Variants in BPTF observed in about 807,000 individuals in gnomAD.
BPTF encodes the protein nucleosome-remodeling factor subunit BPTF.
In BPTF, 18 loss-of-function variants were observed where a neutral mutation model predicts 292.5. The observed-to-expected ratio is 0.06, with a 90% CI of 0.04 to 0.09. The LOEUF (loss-of-function observed/expected upper bound fraction) is 0.09, where lower values mean the gene tolerates loss of function less well. BPTF is among the 10% of genes least tolerant of loss of function. The probability of loss-of-function intolerance (pLI) is 1.00; values close to 1 mark genes in which losing one functional copy is unlikely to be tolerated. For missense variants in BPTF, 2,726 were observed against 3,498.7 expected (o/e 0.78, Z 5.57); for synonymous variants, 1,225 against 1,251.9 (o/e 0.98, Z 0.45).
chr17:67,963,564 G>T (rs782680526), intron 24 of BPTF: 10 of 1,300,448 alleles, frequency 7.7e-6, no homozygotes, highest in South Asian at 7.4e-5. Flanking sequence ...TGCTCTGACT[G>T]GTTACTTATT....
Position 67,835,917 on chromosome 17 carries a change from A to G in BPTF, c.613+9580A>G, listed in dbSNP as rs180983226. The stretch of plus-strand genomic sequence containing the variant: ...CCTGACCTTGTGATCCGCCCACCTC[A>G]GCCTCCCAAAGTGCTGGGATTACAG... On this transcript the variant is annotated intron_variant, in intron 1 of 27. Coordinates refer to ENST00000306378, the MANE Select transcript of BPTF (RefSeq NM_182641.4). Among the ~76,000 whole-genome samples, 803 of 152,138 alleles carry G rather than the reference A, an allele frequency of 5.3e-3. 7 individuals carry two copies. Among genetic ancestry groups the G allele is most frequent in the Non-Finnish European group, 7.7e-3 (524 of 67,974 alleles).
chr17:67,863,780 A>G (rs1428620115), intron 2 of BPTF, among the ~76,000 whole-genome samples: 1 of 152,028 alleles, frequency 6.6e-6, no homozygotes, highest in Non-Finnish European at 1.5e-5. Flanking sequence ...ACATTATTCA[A>G]CTCATTTCAC....
rs782319985 is a variant in BPTF at position 67,945,392 on chromosome 17, A to C, written c.6701-17A>C. 9 of 1,595,452 alleles carry C rather than the reference A, an allele frequency of 5.6e-6. No individual in the cohort carries two copies. The African/African-American group carries it at 1.2e-4, about 21-fold the overall frequency. On this transcript the variant is annotated splice_polypyrimidine_tract_variant and intron_variant, in intron 20 of 27. Coordinates refer to ENST00000306378, the MANE Select transcript of BPTF (RefSeq NM_182641.4). ...TGTTCCAGAGTAATAGAAATGGTTC[A>C]TCTTTCCTTTTTACAGGTACAGGTG...
At chr17:67,926,562 G>A (rs1255965863) in intron 15 of BPTF, among the ~76,000 whole-genome samples, 1 of 151,934 alleles carries the variant, frequency 6.6e-6, no homozygotes. Flanking sequence ...CTGACCTCGT[G>A]ATCCGCCTGC....
intron 4 of BPTF, chr17:67,886,316 G>A: frequency 1.9e-6 from 3 of 1,600,854 alleles, no homozygotes; most frequent in Non-Finnish European, 1.7e-6. Flanking sequence ...GGAAGAGATA[G>A]GTAAGAATAT....
intron 1 of BPTF, among the ~76,000 whole-genome samples, chr17:67,848,017 C>T (rs1418638859): frequency 6.6e-6 from 1 of 152,208 alleles, no homozygotes; most frequent in Non-Finnish European, 1.5e-5. Context: ...TGGAAATGAA[C>T]TTCCCCCTTC....
chr17:67,938,198 G>T (rs1010109957), intron 18 of BPTF, among the ~76,000 whole-genome samples: 2 of 152,122 alleles, frequency 1.3e-5, no homozygotes, highest in African/African-American at 4.8e-5. Flanking sequence ...CATCTGGGTG[G>T]CTTATAAAAA....
At chr17:67,925,496 T>C (rs1236049055) in intron 15 of BPTF, among the ~76,000 whole-genome samples, 2 of 152,068 alleles carry the variant, frequency 1.3e-5, no homozygotes, top group Non-Finnish European at 2.9e-5. Flanking sequence ...AGACCCTGTC[T>C]CTAATAAAAG....
Position 67,911,711 on chromosome 17 carries a change from A to T in BPTF, c.3827A>T (p.Glu1276Val). 6.2e-7 allele frequency: 1 copy of T among 1,614,188 alleles called. No individual in the cohort carries two copies. Among genetic ancestry groups the T allele is most frequent in the East Asian group, 2.2e-5 (1 of 44,890 alleles). Residue 1276 changes from glutamate to valine, a missense_variant, in exon 11 of 28, where the codon GAA becomes GTA. Glu to Val is a moderately radical substitution (Grantham distance 121). Coordinates refer to ENST00000306378, the MANE Select transcript of BPTF (RefSeq NM_182641.4). ...ATPLSRAMDF[E>V]GKLGCDSESN... is the part of the protein sequence containing the mutation. Reference sequence around the variant, plus strand: ...CCTCTGTCAAGAGCAATGGACTTTGAAGGAAAACTGGGATGTGACTCTGAA... The same window carrying T: ...CCTCTGTCAAGAGCAATGGACTTTGTAGGAAAACTGGGATGTGACTCTGAA...
chr17:67,875,691 G>A, intron 4 of BPTF: 2 of 1,606,036 alleles, frequency 1.2e-6, no homozygotes, highest in Non-Finnish European at 8.5e-7. Context: ...ACCCCCGATA[G>A]CAGCAACATG....
At chr17:67,944,742 T>C (rs2065664830) in intron 20 of BPTF, among the ~76,000 whole-genome samples, 1 of 152,172 alleles carries the variant, frequency 6.6e-6, no homozygotes, top group South Asian at 2.1e-4. Flanking sequence ...TGAGAGTGGG[T>C]CCAGAACCAC....
At chr17:67,860,393 C>T (rs2059004791) in intron 2 of BPTF, among the ~76,000 whole-genome samples, 1 of 152,046 alleles carries the variant, frequency 6.6e-6, no homozygotes, top group South Asian at 2.1e-4. Context: ...TGTAATGTTA[C>T]CAATTTATAG....
At chr17:67,835,700 C>G (rs1164484697) in intron 1 of BPTF, among the ~76,000 whole-genome samples, 1 of 148,676 alleles carries the variant, frequency 6.7e-6, no homozygotes, top group Non-Finnish European at 1.5e-5. Flanking sequence ...GAGTCTCGCT[C>G]TGTCGCCCAG....
At chr17:67,873,638 A>C (rs1031609697) in intron 3 of BPTF, among the ~76,000 whole-genome samples, 3 of 152,214 alleles carry the variant, frequency 2.0e-5, no homozygotes, top group African/African-American at 7.2e-5. Context: ...CAGATTTCTC[A>C]CTGTCAGAGA....
Position 67,889,882 on chromosome 17 carries a change from C to T in BPTF, c.1865-1962C>T, listed in dbSNP as rs150488265. ...ATAGTCTGACCAACTGCTTTGCTAC[C>T]ACACATCCAAAGTGACTTGCTTTCC... On this transcript the variant is annotated intron_variant, in intron 4 of 27. Transcript: ENST00000306378. 4.4e-3 allele frequency among the ~76,000 whole-genome samples: 672 copies of T among 152,108 alleles called. 5 individuals are homozygous for T. The highest frequency in any genetic ancestry group is 0.015 in the African/African-American group (629 of 41,470).
chr17:67,896,666 C>G (rs1455728868), intron 7 of BPTF, among the ~76,000 whole-genome samples: 2 of 152,154 alleles, frequency 1.3e-5, no homozygotes, highest in East Asian at 3.9e-4. Context: ...AAGGCAAGGG[C>G]TATATGCTTG....
intron 3 of BPTF, among the ~76,000 whole-genome samples, chr17:67,869,951 G>A (rs988548397): frequency 6.9e-6 from 1 of 143,978 alleles, no homozygotes; most frequent in Non-Finnish European, 1.5e-5. Context: ...GCAGTGAGCC[G>A]AGTGAGCCAC....
chr17:67,829,368 C>T (rs563012309), intron 1 of BPTF, among the ~76,000 whole-genome samples: 2 of 150,364 alleles, frequency 1.3e-5, no homozygotes, highest in Non-Finnish European at 3.0e-5. Flanking sequence ...TAAAAAAAAA[C>T]GGGATACATG....
In BPTF at chr17:67,912,687, T is replaced by A. The variant is rs200357816; in HGVS notation, c.4803T>A (p.Thr1601=). Reference sequence around the variant, plus strand: ...CCACAGTGGCCACAGAATCAAAAACTGTGATCAAGGTAGAAAAAGGCGATA... The same window carrying A: ...CCACAGTGGCCACAGAATCAAAAACAGTGATCAAGGTAGAAAAAGGCGATA... ...MTSTVATESK[T]VIKVEKGDKQ... is the part of the protein sequence containing the mutation. Residue 1601 remains threonine (T), a synonymous_variant, in exon 11 of 28, where the codon ACT becomes ACA. Transcript: ENST00000306378. 24 of 1,613,788 alleles carry A rather than the reference T, an allele frequency of 1.5e-5. No individual in the cohort carries two copies. Among genetic ancestry groups the A allele is most frequent in the Non-Finnish European group, 3.4e-6 (4 of 1,180,032 alleles).
Sources: gnomAD v4.1 joint callset for allele counts (sites outside exome capture counted in the v4.1 genomes callset) on GRCh38, gnomAD v4.1.1 for gene constraint, MANE v1.5 for transcripts, NCBI Gene and HGNC (gene_info 2026-07-23, HGNC 2026-07-21) for gene names.